FBXO31: variants seen among roughly 807,000 people sequenced by gnomAD.
FBXO31 encodes F-box protein 31.
In FBXO31, 24 loss-of-function variants were observed where a neutral mutation model predicts 54.4. The observed-to-expected ratio is 0.44, with a 90% CI of 0.32 to 0.62. The LOEUF (loss-of-function observed/expected upper bound fraction) is 0.62, where lower values mean the gene tolerates loss of function less well. FBXO31 is among the 20% of genes least tolerant of loss of function. The probability of loss-of-function intolerance (pLI) is 0.05; values close to 1 mark genes in which losing one functional copy is unlikely to be tolerated. For synonymous variants in FBXO31, 388 were observed against 335.6 expected, an observed-to-expected ratio of 1.16 and a Z score of -1.71; for missense variants, 665 against 787.1, an observed-to-expected ratio of 0.84 and a Z score of 1.86.
chr16:87,348,494 G>C (rs1457615765), intron 2 of FBXO31, among the ~76,000 whole-genome samples: 3 of 152,230 alleles, frequency 2.0e-5, no homozygotes, highest in Non-Finnish European at 4.4e-5. Flanking sequence ...GGTAGAGCTT[G>C]AGGGTAGCAG....
rs1030844026 is a variant in FBXO31, at chr16:87,345,651, C to T, written c.489+1523G>A. On this transcript the variant is annotated intron_variant, in intron 3 of 8. Transcript: ENST00000311635. The surrounding 1 kb of genome is among the most constrained non-coding windows in gnomAD (Gnocchi z 4.9). ...AGCCACGAAGACTGAACACTCTCTC[C>T]TAATTCCAGGAGAAAGAAAACAAGA... Among the ~76,000 whole-genome samples the T allele has an allele frequency of 1.3e-5, 2 of 152,202 alleles. No individual in the cohort carries two copies. Among genetic ancestry groups the T allele is most frequent in the African/African-American group, 2.4e-5 (1 of 41,438 alleles).
chr16:87,361,478 G>A (rs181702023), intron 1 of FBXO31, among the ~76,000 whole-genome samples: 100 of 152,296 alleles, frequency 6.6e-4, no homozygotes, highest in African/African-American at 2.3e-3. Flanking sequence ...GCAGGCGTGA[G>A]AGCCTGACAG....
intron 2 of FBXO31, among the ~76,000 whole-genome samples, chr16:87,352,220 C>A (rs1567620394): frequency 6.6e-6 from 1 of 152,180 alleles, no homozygotes; most frequent in African/African-American, 2.4e-5. Context: ...ATAAACACTT[C>A]TCTGACAATC....
At chr16:87,390,922 A>G (rs540844477), upstream of FBXO31, among the ~76,000 whole-genome samples, 2 of 152,334 alleles carry the variant, frequency 1.3e-5, no homozygotes, top group African/African-American at 2.4e-5. Flanking sequence ...GTATGATTCA[A>G]GCTTACAGTG....
In FBXO31 at chr16:87,335,681, G is replaced by A. The variant is rs1467075132; in HGVS notation, c.843-224C>T. ...TTCCAACAGGACTTCTGGGGTTAAG[G>A]GGGGCATCAGCGCCAGGGCAGAGCT... On this transcript the variant is annotated intron_variant, in intron 6 of 8. Transcript: ENST00000311635. The surrounding 1 kb of genome is among the most constrained non-coding windows in gnomAD (Gnocchi z 5.7). 6.6e-6 allele frequency among the ~76,000 whole-genome samples: 1 copy of A among 152,174 alleles called. No individual in the cohort carries two copies. Among genetic ancestry groups the A allele is most frequent in the Non-Finnish European group, 1.5e-5 (1 of 68,022 alleles).
intron 2 of FBXO31, among the ~76,000 whole-genome samples, chr16:87,353,982 G>A (rs879179343): frequency 6.6e-6 from 1 of 152,232 alleles, no homozygotes; most frequent in African/African-American, 2.4e-5. Context: ...TGCGGCCCCC[G>A]CTGTGCTCCC....
rs1199025708 is a variant in FBXO31, at chr16:87,329,646, G to A, written c.*1642C>T. 1.3e-5 allele frequency: 2 copies of A among 152,232 alleles called. No homozygotes were observed. Among genetic ancestry groups the A allele is most frequent in the East Asian group, 1.9e-4 (1 of 5,196 alleles). 9.4% of individuals were successfully genotyped at this position (152,232 alleles called of 1,614,324 possible). ...CTTGTAGGCTAATGCTGCAAAAGCC[G>A]CTAGAAACTGGGGCCACACACAAGA... On this transcript the variant is annotated 3_prime_UTR_variant, in exon 9 of 9. Coordinates refer to ENST00000311635, the MANE Select transcript of FBXO31 (RefSeq NM_024735.5).
intron 5 of FBXO31, among the ~76,000 whole-genome samples, chr16:87,337,964 T>G (rs906655274): frequency 6.6e-6 from 1 of 152,086 alleles, no homozygotes; most frequent in Admixed American, 6.6e-5. Flanking sequence ...AATTAAAACC[T>G]GAGTGGCTGA....
chr16:87,383,944 C>G (rs937364501), upstream of FBXO31: 1 of 276,504 alleles, frequency 3.6e-6, no homozygotes, highest in Non-Finnish European at 6.5e-6. This position sits in a 1 kb window ranked among gnomAD's most constrained non-coding sequence, Gnocchi z 4.9. Flanking sequence ...CACTGCTGCC[C>G]TCCCCTCCAG....
chr16:87,343,889 C>T, intron 3 of FBXO31, 124 bp from the exon 4 acceptor site: 4 of 995,862 alleles, frequency 4.0e-6, no homozygotes, highest in Non-Finnish European at 6.0e-6. Context: ...ATGGGACCTG[C>T]ACGCCCACCC....
At chr16:87,382,978 C>T (rs1000247193) in intron 1 of FBXO31, among the ~76,000 whole-genome samples, 4 of 152,122 alleles carry the variant, frequency 2.6e-5, no homozygotes, top group African/African-American at 9.7e-5. Context: ...TCAGGGCCAG[C>T]GGGGCACCCT....
intron 1 of FBXO31, among the ~76,000 whole-genome samples, chr16:87,361,951 A>G (rs929318239): frequency 2.0e-4 from 31 of 152,342 alleles, no homozygotes; most frequent in Admixed American, 1.6e-3. Flanking sequence ...CCTTAGCGGG[A>G]GGACCTGGGA....
rs763357830 is a variant in FBXO31 at position 87,343,546 on chromosome 16, C to T, written c.657+52G>A. 1.3e-4 allele frequency: 196 copies of T among 1,548,976 alleles called. 2 individuals are homozygous for T. The Middle Eastern group carries it at 5.1e-3, about 40-fold the overall frequency. The stretch of plus-strand genomic sequence containing the variant: ...TAGCACGGCAGGCCTGGCTGGAGCC[C>T]ACACAGGACAGCCCTGGGACAGTGA... On this transcript the variant is annotated intron_variant, in intron 4 of 8. Transcript: ENST00000311635.
chr16:87,383,655 C>T lies in FBXO31; in HGVS notation c.90G>A (p.Ala30=), dbSNP rs983398063. 2 of 1,337,780 alleles carry T rather than the reference C, an allele frequency of 1.5e-6. No homozygotes were observed. Among genetic ancestry groups the T allele is most frequent in the African/African-American group, 1.5e-5 (1 of 65,000 alleles). 82.9% of individuals were successfully genotyped at this position (1,337,780 alleles called of 1,614,324 possible). The change falls in exon 1 of 9, where the codon GCG becomes GCA. Residue 30 remains alanine (A), a synonymous_variant. Transcript: ENST00000311635. The surrounding 1 kb of genome is among the most constrained non-coding windows in gnomAD (Gnocchi z 4.9). Reference sequence around the variant, plus strand: ...GGTCTGTGTCCGGCTCGCTGTCGGCCGCCGCCGTCTCGGCCGGGCCCCGGC... The same window carrying T: ...GGTCTGTGTCCGGCTCGCTGTCGGCTGCCGCCGTCTCGGCCGGGCCCCGGC... ...QQRRGPAETA[A]ADSEPDTDPE...
At chr16:87,389,689 C>G (rs1308863460) in intron 1 of FBXO31, 2 of 152,200 alleles carry the variant, frequency 1.3e-5, no homozygotes, top group African/African-American at 4.8e-5. Context: ...GACTTCAAAA[C>G]TGATACTTTG....
chr16:87,350,842 T>C (rs1187522948), intron 2 of FBXO31, among the ~76,000 whole-genome samples: 4 of 152,176 alleles, frequency 2.6e-5, no homozygotes, highest in Admixed American at 2.0e-4. Flanking sequence ...AATCCCAAAG[T>C]GGGAGTTCCC....
intron 1 of FBXO31, among the ~76,000 whole-genome samples, chr16:87,382,973 G>A (rs1907150842): frequency 2.6e-5 from 4 of 152,116 alleles, no homozygotes; most frequent in Admixed American, 1.3e-4. Context: ...TCTGGTCAGG[G>A]CCAGCGGGGC....
intron 1 of FBXO31, among the ~76,000 whole-genome samples, chr16:87,377,356 G>A (rs554285930): frequency 6.6e-6 from 1 of 152,244 alleles, no homozygotes; most frequent in African/African-American, 2.4e-5. Flanking sequence ...TGAGGTGGGA[G>A]GATCATTTAC....
chr16:87,383,375 C>CA lies in FBXO31; in HGVS notation c.340+29_340+30insT. On this transcript the variant is annotated intron_variant, in intron 1 of 8. Coordinates refer to ENST00000311635, the MANE Select transcript of FBXO31 (RefSeq NM_024735.5). This position sits in a 1 kb window ranked among gnomAD's most constrained non-coding sequence, Gnocchi z 4.9. ...TCCACCTGGCAGGGACCCCCCGCCC[C>CA]TCCCGGCCCCGCCACCCCCGCGCGC... 7 of 1,498,320 alleles carry CA rather than the reference C, an allele frequency of 4.7e-6. No homozygotes were observed. Among genetic ancestry groups the CA allele is most frequent in the African/African-American group, 1.5e-5 (1 of 68,728 alleles). 92.8% of individuals were successfully genotyped at this position (1,498,320 alleles called of 1,614,324 possible). A position where few individuals can be genotyped will look rare whatever the true frequency, so the allele number is the denominator to read the frequency against.
Sources: allele counts gnomAD v4.1 joint callset (sites outside exome capture counted in the v4.1 genomes callset), GRCh38; gene constraint gnomAD v4.1.1; non-coding constraint Gnocchi (gnomAD v3.1); transcripts MANE v1.5; gene names NCBI Gene and HGNC (gene_info 2026-07-23, HGNC 2026-07-21).